The following PIK3CB variants were observed in gnomAD, a reference collection of about 807,000 sequenced individuals.
PIK3CB encodes phosphatidylinositol 4,5-bisphosphate 3-kinase catalytic subunit beta isoform.
In PIK3CB, 39 loss-of-function variants were observed where a neutral mutation model predicts 136.8. That is an observed-to-expected ratio of 0.29 (90% CI 0.22 to 0.37). The LOEUF (loss-of-function observed/expected upper bound fraction) is 0.37. PIK3CB is among the 10% of genes least tolerant of loss of function. PIK3CB has a pLI of 1.00. For missense variants in PIK3CB, 868 were observed against 1,275.4 expected (o/e 0.68, Z 4.87); for synonymous variants, 428 against 436.6 (o/e 0.98, Z 0.25).
intron 2 of PIK3CB, among the ~76,000 whole-genome samples, chr3:138,764,506 T>C (rs2108748385): frequency 1.3e-5 from 2 of 152,270 alleles, no homozygotes; most frequent in South Asian, 4.1e-4. Flanking sequence ...AGCTCACACC[T>C]ATAATCCTAG....
chr3:138,741,680 T>C (rs2045248156), intron 5 of PIK3CB, among the ~76,000 whole-genome samples: 1 of 151,990 alleles, frequency 6.6e-6, no homozygotes, highest in Non-Finnish European at 1.5e-5. Flanking sequence ...ATACAAAAAT[T>C]AGCCAGGTGT....
At chr3:138,679,077 A>C (rs953648444) in intron 19 of PIK3CB, among the ~76,000 whole-genome samples, 4 of 152,122 alleles carry the variant, frequency 2.6e-5, no homozygotes, top group African/African-American at 9.7e-5. Flanking sequence ...AAAAACAAAC[A>C]AACAAACAAA....
chr3:138,793,107 A>C (rs900645058), intron 2 of PIK3CB, among the ~76,000 whole-genome samples: 3 of 152,226 alleles, frequency 2.0e-5, no homozygotes, highest in African/African-American at 7.2e-5. Context: ...GACCACCTGC[A>C]TTGTGCCAGG....
intron 2 of PIK3CB, among the ~76,000 whole-genome samples, chr3:138,773,866 A>G (rs2045827843): frequency 6.6e-6 from 1 of 152,226 alleles, no homozygotes; most frequent in African/African-American, 2.4e-5. Flanking sequence ...ATTCAAGTGA[A>G]CAGTATTTGG....
At chr3:138,695,207 C>A (rs1483124724) in intron 13 of PIK3CB, among the ~76,000 whole-genome samples, 2 of 152,132 alleles carry the variant, frequency 1.3e-5, no homozygotes, top group African/African-American at 4.8e-5. Flanking sequence ...CTGATAAAAT[C>A]TTATTCCTTA....
chr3:138,782,647 G>A (rs755127260), intron 2 of PIK3CB, among the ~76,000 whole-genome samples: 2 of 152,148 alleles, frequency 1.3e-5, no homozygotes, highest in African/African-American at 2.4e-5. Flanking sequence ...ATGTTCAGTG[G>A]AAATGACCTG....
intron 1 of PIK3CB, among the ~76,000 whole-genome samples, chr3:138,804,876 T>G (rs1014876116): frequency 4.0e-5 from 6 of 151,684 alleles, no homozygotes; most frequent in African/African-American, 9.7e-5. Flanking sequence ...TACAAAAAAA[T>G]TAGCTGGGCG....
In PIK3CB at chr3:138,789,283, C is replaced by T. The variant is rs1037103368; in HGVS notation, c.-17+7180G>A. Among the ~76,000 whole-genome samples, 45 of 152,088 alleles carry T rather than the reference C, an allele frequency of 3.0e-4. 2 individuals are homozygous for T. Among genetic ancestry groups the T allele is most frequent in the Non-Finnish European group, 1.5e-5 (1 of 68,014 alleles). Reference sequence around the variant, plus strand: ...GACTAGCCTGGGCAACGTGGCGAAACACTGTCTCTAATAAAAATACAAAAA... The same window carrying T: ...GACTAGCCTGGGCAACGTGGCGAAATACTGTCTCTAATAAAAATACAAAAA... On this transcript the variant is annotated intron_variant, in intron 2 of 23. Coordinates refer to ENST00000674063, the MANE Select transcript of PIK3CB (RefSeq NM_006219.3).
In PIK3CB at chr3:138,740,857, T is replaced by C. The variant is rs549249096; in HGVS notation, c.621+1701A>G. Among the ~76,000 whole-genome samples, 8 of 152,262 alleles carry C rather than the reference T, an allele frequency of 5.3e-5. No individual in the cohort carries two copies. In the South Asian group the frequency reaches 1.7e-3, roughly 32 times the overall value. ...TGGGGTTTCACCATGTTGCCCAACC[T>C]GGTCTTGAACTCCTGGGTTCAAGAG... On this transcript the variant is annotated intron_variant, in intron 5 of 23. Transcript: ENST00000674063.
intron 8 of PIK3CB, among the ~76,000 whole-genome samples, chr3:138,725,233 T>C (rs968776747): frequency 1.3e-5 from 2 of 151,484 alleles, no homozygotes; most frequent in African/African-American, 2.5e-5. Context: ...CCTTGGGTTA[T>C]ATACTTTAAT....
intron 14 of PIK3CB, among the ~76,000 whole-genome samples, chr3:138,693,990 ATATTT>A (rs2044081411): frequency 8.7e-6 from 1 of 115,466 alleles, no homozygotes; most frequent in Non-Finnish European, 1.7e-5. Context: ...ATATATATAT[ATATTT>A]TAAACCCATG....
At position 138,763,928 on chromosome 3, in the gene PIK3CB, T is replaced by C. The variant is rs139891882; in HGVS notation, c.-16-4569A>G. On this transcript the variant is annotated intron_variant, in intron 2 of 23. Transcript: ENST00000674063. ...AAGTTCAAGACCAGCCTGACCAACATGGTGAAAACCCGTCTCTGTTAAAAA... is the reference window on the plus strand; with the variant it reads ...AAGTTCAAGACCAGCCTGACCAACACGGTGAAAACCCGTCTCTGTTAAAAA... Among the ~76,000 whole-genome samples, 1,300 of 149,974 alleles carry C rather than the reference T, an allele frequency of 8.7e-3. 24 individuals are homozygous for C. The highest frequency in any genetic ancestry group is 0.029 in the African/African-American group (1,177 of 40,776).
intron 1 of PIK3CB, among the ~76,000 whole-genome samples, chr3:138,799,000 T>A (rs1024114446): frequency 6.6e-6 from 1 of 151,500 alleles, no homozygotes; most frequent in African/African-American, 2.4e-5. Flanking sequence ...GGCCAGAGGA[T>A]CACTTGAGCC....
rs2045626749 is a variant in PIK3CB, at chr3:138,759,181, T to C, written c.163A>G (p.Ile55Val). ...EVPREATISY[I>V]KQMLWKQVHN... ...TATACCTATTAACATACCTGCTTAATATAAGAAATGGTAGCTTCCCGAGGT... is the reference window on the plus strand; with the variant it reads ...TATACCTATTAACATACCTGCTTAACATAAGAAATGGTAGCTTCCCGAGGT... The change falls in exon 3 of 24, where the codon ATT becomes GTT. Residue 55 changes from isoleucine to valine, a missense_variant. Physicochemically the swap from Ile to Val is conservative, Grantham distance 29 (BLOSUM62 3). Transcript: ENST00000674063. The C allele has an allele frequency of 1.2e-6, 2 of 1,606,364 alleles. No homozygotes were observed. Among genetic ancestry groups the C allele is most frequent in the Non-Finnish European group, 1.7e-6 (2 of 1,174,110 alleles).
chr3:138,769,852 G>A (rs1011853771), intron 2 of PIK3CB, among the ~76,000 whole-genome samples: 3 of 152,096 alleles, frequency 2.0e-5, no homozygotes, highest in Non-Finnish European at 2.9e-5. Flanking sequence ...CAACTTGGAG[G>A]TATCTTAGGA....
intron 4 of PIK3CB, among the ~76,000 whole-genome samples, chr3:138,753,633 C>G (rs1331982406): frequency 6.6e-6 from 1 of 152,040 alleles, no homozygotes. Context: ...GAGTTTGATA[C>G]CAGCCTGGGC....
At chr3:138,768,904 G>A (rs530605242) in intron 2 of PIK3CB, among the ~76,000 whole-genome samples, 10 of 152,332 alleles carry the variant, frequency 6.6e-5, no homozygotes, top group African/African-American at 2.4e-4. Context: ...AGCCTGAGAG[G>A]GCAGAGTGGG....
chr3:138,698,567 G>A (rs1312498796), intron 13 of PIK3CB, among the ~76,000 whole-genome samples: 1 of 152,170 alleles, frequency 6.6e-6, no homozygotes, highest in East Asian at 1.9e-4. Flanking sequence ...AACAGTCATT[G>A]CAAAGAGTCT....
At chr3:138,788,944 A>G (rs1167327802) in intron 2 of PIK3CB, among the ~76,000 whole-genome samples, 1 of 136,006 alleles carries the variant, frequency 7.4e-6, no homozygotes, top group Non-Finnish European at 1.5e-5. Context: ...AGACTGGGGG[A>G]AAAGAGAGAG....
Sources: gnomAD v4.1 joint callset for allele counts (sites outside exome capture counted in the v4.1 genomes callset) on GRCh38, gnomAD v4.1.1 for gene constraint, MANE v1.5 for transcripts, NCBI Gene and HGNC (gene_info 2026-07-23, HGNC 2026-07-21) for gene names.